Variants in HIVEP3 observed in about 807,000 individuals in gnomAD.
The protein encoded by HIVEP3 is HIVEP zinc finger 3.
A neutral mutation model predicts 152.8 loss-of-function variants in HIVEP3; 49 were observed. That is an observed-to-expected ratio of 0.32 (90% confidence interval 0.26 to 0.41). HIVEP3 has a LOEUF of 0.41. Ranked by LOEUF, HIVEP3 falls within the 10% of genes least tolerant of loss-of-function variation. The pLI is 1.00. For missense variants in HIVEP3, 2,790 were observed against 3,103.3 expected (o/e 0.90, Z 2.40); for synonymous variants, 1,269 against 1,289.0 (o/e 0.98, Z 0.33).
chr1:41,582,000 C>T lies in HIVEP3; in HGVS notation c.2798G>A (p.Ser933Asn). The change falls in exon 4 of 9, where the codon AGC becomes AAC. Residue 933 changes from serine to asparagine, a missense_variant. Physicochemically the swap from Ser to Asn is conservative, Grantham distance 46. Coordinates refer to ENST00000372583, the MANE Select transcript of HIVEP3 (RefSeq NM_024503.5). The surrounding 1 kb of genome is among the most constrained non-coding windows in gnomAD (Gnocchi z 4.5). ...ESSVPLSRSP[S>N]QESNVSLSGS... ...ACTCAAAGAGACATTGCTTTCCTGG[C>T]TCGGGCTGCGAGACAGAGGCACAGA... 8 of 1,614,178 alleles carry T rather than the reference C, an allele frequency of 5.0e-6. No individual in the cohort carries two copies. The highest frequency in any genetic ancestry group is 1.1e-5 in the South Asian group (1 of 91,078).
intron 1 of HIVEP3, among the ~76,000 whole-genome samples, chr1:41,989,288 C>T (rs1645342670): frequency 1.3e-5 from 2 of 152,040 alleles, no homozygotes; most frequent in Admixed American, 1.3e-4. Context: ...AGTTATTGCA[C>T]AGTATGTGTA....
intron 5 of HIVEP3, among the ~76,000 whole-genome samples, chr1:41,527,233 C>CACCCCGCCCTT: frequency 2.8e-5 from 3 of 108,604 alleles, no homozygotes; most frequent in Non-Finnish European, 4.0e-5. Context: ...CTCACCCTCA[C>CACCCCGCCCTT]ACACTCACCT....
chr1:41,537,797 C>A (rs1479335038), intron 5 of HIVEP3, among the ~76,000 whole-genome samples: 1 of 152,184 alleles, frequency 6.6e-6, no homozygotes, highest in Non-Finnish European at 1.5e-5. Flanking sequence ...AACGCTCAGG[C>A]TGGGGGCCAT....
intron 1 of HIVEP3, among the ~76,000 whole-genome samples, chr1:42,017,746 C>A (rs1019699339): frequency 2.6e-5 from 4 of 151,990 alleles, no homozygotes; most frequent in African/African-American, 4.8e-5. Flanking sequence ...TGTCTTCTGG[C>A]AAATATATAT....
chr1:41,871,257 G>A (rs1246945590), intron 1 of HIVEP3, among the ~76,000 whole-genome samples: 1 of 152,138 alleles, frequency 6.6e-6, no homozygotes, highest in African/African-American at 2.4e-5. Flanking sequence ...GAAATTAAGG[G>A]CCAGGTCAAA....
At chr1:41,620,429 T>C (rs1451488817) in intron 3 of HIVEP3, among the ~76,000 whole-genome samples, 1 of 152,140 alleles carries the variant, frequency 6.6e-6, no homozygotes, top group Non-Finnish European at 1.5e-5. Flanking sequence ...CCTTTTCTGA[T>C]CCTCCTGTCC....
intron 1 of HIVEP3, among the ~76,000 whole-genome samples, chr1:41,716,523 G>A (rs1332970873): frequency 6.6e-6 from 1 of 152,194 alleles, no homozygotes; most frequent in Non-Finnish European, 1.5e-5. Context: ...AAGAGCTGGG[G>A]GGCCCCGATG....
At chr1:41,600,970 C>T (rs995720210) in intron 3 of HIVEP3, among the ~76,000 whole-genome samples, 2 of 152,104 alleles carry the variant, frequency 1.3e-5, no homozygotes, top group African/African-American at 4.8e-5. Flanking sequence ...CATTCTTTTG[C>T]ATATGAATAT....
intron 1 of HIVEP3, among the ~76,000 whole-genome samples, chr1:42,020,837 A>G (rs1645549487): frequency 6.6e-6 from 1 of 152,216 alleles, no homozygotes; most frequent in African/African-American, 2.4e-5. Flanking sequence ...AGGAAAGGCC[A>G]CTTTGAGGAG....
At chr1:41,702,064 G>A (rs1053835003) in intron 1 of HIVEP3, among the ~76,000 whole-genome samples, 12 of 152,198 alleles carry the variant, frequency 7.9e-5, no homozygotes, top group Non-Finnish European at 1.6e-4. Context: ...TCAAGAGTAA[G>A]ATGGAGATGT....
intron 2 of HIVEP3, among the ~76,000 whole-genome samples, chr1:41,667,092 C>G (rs1349530666): frequency 6.6e-6 from 1 of 152,206 alleles, no homozygotes; most frequent in Non-Finnish European, 1.5e-5. Flanking sequence ...TGCCATGAGC[C>G]TCCAGCACTT....
At chr1:41,676,802 G>A (rs16828535) in intron 2 of HIVEP3, among the ~76,000 whole-genome samples, 17,625 of 152,140 alleles carry the variant, frequency 0.12, 1,674 homozygotes, top group East Asian at 0.41. Flanking sequence ...ACACAATCGC[G>A]CAGTGACCCA....
intron 1 of HIVEP3, among the ~76,000 whole-genome samples, chr1:41,915,899 T>C (rs938535899): frequency 6.6e-6 from 1 of 152,136 alleles, no homozygotes. Context: ...CATCTGCAGA[T>C]TTGTAAATAC....
chr1:41,732,192 G>C (rs1426714471), intron 1 of HIVEP3, among the ~76,000 whole-genome samples: 1 of 152,204 alleles, frequency 6.6e-6, no homozygotes, highest in Non-Finnish European at 1.5e-5. Flanking sequence ...CCATGGTGCA[G>C]CTTGGGCCGG....
upstream of HIVEP3, among the ~76,000 whole-genome samples, chr1:41,920,577 G>GTTT (rs10708045): frequency 2.5e-3 from 304 of 123,218 alleles, 1 homozygote; most frequent in Middle Eastern, 0.018. Context: ...AAACAAGATG[G>GTTT]TTTTTTTTTT....
intron 1 of HIVEP3, among the ~76,000 whole-genome samples, chr1:41,751,982 G>A (rs886196127): frequency 6.6e-6 from 1 of 152,146 alleles, no homozygotes; most frequent in African/African-American, 2.4e-5. Flanking sequence ...TATCACATTT[G>A]TCTTCTCACT....
chr1:41,876,055 G>A (rs983880030), intron 1 of HIVEP3, among the ~76,000 whole-genome samples: 2 of 151,858 alleles, frequency 1.3e-5, no homozygotes, highest in Admixed American at 1.3e-4. Context: ...CTCCTTTCTG[G>A]GGAAGGATTG....
At chr1:41,570,354 G>C (rs1448348452) in intron 5 of HIVEP3, among the ~76,000 whole-genome samples, 1 of 152,188 alleles carries the variant, frequency 6.6e-6, no homozygotes, top group East Asian at 1.9e-4. Context: ...AGACCAGGTG[G>C]AGGAATTGAA....
intron 1 of HIVEP3, among the ~76,000 whole-genome samples, chr1:41,776,846 T>G (rs1648734406): frequency 6.6e-6 from 1 of 152,146 alleles, no homozygotes; most frequent in African/African-American, 2.4e-5. Flanking sequence ...TATTCCTCCC[T>G]CCCTTCACTC....
Sources: gnomAD v4.1 joint callset for allele counts (sites outside exome capture counted in the v4.1 genomes callset) on GRCh38, gnomAD v4.1.1 for gene constraint, Gnocchi (gnomAD v3.1) non-coding constraint, MANE v1.5 for transcripts, NCBI Gene and HGNC (gene_info 2026-07-23, HGNC 2026-07-21) for gene names.